Variants in RPS6KA2 observed in about 807,000 individuals in gnomAD.
RPS6KA2 encodes ribosomal protein S6 kinase alpha-2.
RPS6KA2 carries 42 observed loss-of-function variants against 91.8 expected under a neutral mutation model. That is an observed-to-expected ratio of 0.46 (90% CI 0.36 to 0.59). The LOEUF is 0.59. Among genes scored for constraint, RPS6KA2 ranks in the 20% least tolerant of loss-of-function variants. RPS6KA2 has a pLI of 0.00. For synonymous variants in RPS6KA2, 414 were observed against 393.6 expected (o/e 1.05, Z -0.61); for missense variants, 798 against 978.5 (o/e 0.82, Z 2.46).
chr6:166,420,996 G>T (rs1361855429), intron 17 of RPS6KA2, among the ~76,000 whole-genome samples: 1 of 152,168 alleles, frequency 6.6e-6, no homozygotes, highest in Admixed American at 6.5e-5. Context: ...TGAGAGCAAG[G>T]AGCCTGTCCT....
chr6:166,840,455 T>C (rs1780440290), intron 2 of RPS6KA2, among the ~76,000 whole-genome samples: 1 of 152,190 alleles, frequency 6.6e-6, no homozygotes, highest in African/African-American at 2.4e-5. Flanking sequence ...ATTCCAGGAC[T>C]GGGCAAATGG....
At chr6:166,616,440 G>A (rs1285876735) in intron 1 of RPS6KA2, among the ~76,000 whole-genome samples, 1 of 152,206 alleles carries the variant, frequency 6.6e-6, no homozygotes, top group Non-Finnish European at 1.5e-5. Context: ...TCTCATGCCT[G>A]CCTGAGGCCA....
chr6:166,710,840 T>C (rs1375983424), intron 2 of RPS6KA2, among the ~76,000 whole-genome samples: 1 of 151,960 alleles, frequency 6.6e-6, no homozygotes, highest in African/African-American at 2.4e-5. Flanking sequence ...TGAAGCCAAA[T>C]AAATCAGCAA....
intron 2 of RPS6KA2, among the ~76,000 whole-genome samples, chr6:166,748,592 TTCCTC>T (rs1791116262): frequency 9.3e-5 from 2 of 21,602 alleles, no homozygotes; most frequent in Non-Finnish European, 1.8e-4. Flanking sequence ...GGGCCCCCAT[TTCCTC>T]AGGCCCCCAT....
In RPS6KA2 at chr6:166,504,494, T is replaced by C. The variant is rs1177968815; in HGVS notation, c.566+12A>G. 4.5e-6 allele frequency: 7 copies of C among 1,571,156 alleles called. No homozygotes were observed. The Middle Eastern group carries it at 6.7e-4, about 151-fold the overall frequency. ...GGCGTGGGGAAGTCAGCCCTAGTTT[T>C]TTCTCACTTACTTCTCAGGCTTCAG... On this transcript the variant is annotated intron_variant, in intron 6 of 20. Coordinates refer to ENST00000265678, the MANE Select transcript of RPS6KA2 (RefSeq NM_021135.6).
At chr6:166,446,190 G>A (rs1004994775) in intron 14 of RPS6KA2, among the ~76,000 whole-genome samples, 1 of 152,186 alleles carries the variant, frequency 6.6e-6, no homozygotes, top group Non-Finnish European at 1.5e-5. Context: ...CCAAACAACC[G>A]TGTCTACCTG....
intron 3 of RPS6KA2, among the ~76,000 whole-genome samples, chr6:166,513,173 C>T (rs946148691): frequency 1.3e-5 from 2 of 152,212 alleles, no homozygotes; most frequent in African/African-American, 2.4e-5. Context: ...CCCCATGTAG[C>T]CCACAAGCTG....
chr6:166,711,275 G>T lies in RPS6KA2; in HGVS notation c.123+146925C>A, dbSNP rs9366048. 2.5e-5 allele frequency among the ~76,000 whole-genome samples: 2 copies of T among 79,762 alleles called. 1 individual carries two copies. Among genetic ancestry groups the T allele is most frequent in the Admixed American group, 2.8e-4 (2 of 7,202 alleles). The allele number at this position is 79,762 out of a possible 152,430, so 52.3% of individuals were successfully genotyped here. ...CCCCCACTTCCTAGGTTGGAGTCAC[G>T]TGAGACCCAGTCTGTTAAAACAGAA... On this transcript the variant is annotated intron_variant, in intron 2 of 21. Transcript: ENST00000503859.
intron 3 of RPS6KA2, among the ~76,000 whole-genome samples, chr6:166,525,318 A>G (rs192326163): frequency 8.6e-4 from 131 of 152,320 alleles, no homozygotes; most frequent in African/African-American, 3.1e-3. Flanking sequence ...TTGTCAAGTT[A>G]AAGGAGTCGA....
intron 2 of RPS6KA2, among the ~76,000 whole-genome samples, chr6:166,641,615 C>T (rs750514803): frequency 5.3e-5 from 8 of 149,972 alleles, no homozygotes; most frequent in African/African-American, 9.8e-5. Context: ...CCCAGCTACA[C>T]GGACTGAGGC....
At chr6:166,431,077 G>A (rs150713008) in intron 15 of RPS6KA2, among the ~76,000 whole-genome samples, 2,279 of 152,168 alleles carry the variant, frequency 0.015, 55 homozygotes, top group African/African-American at 0.052. Flanking sequence ...ATAGGTGCAC[G>A]TCACCATGCC....
At chr6:166,850,758 G>T (rs1780718768) in intron 2 of RPS6KA2, among the ~76,000 whole-genome samples, 1 of 152,146 alleles carries the variant, frequency 6.6e-6, no homozygotes, top group Non-Finnish European at 1.5e-5. Flanking sequence ...ACCTATGGGA[G>T]GTGGGCTCCC....
rs193257435 is a variant in RPS6KA2 at position 166,858,779 on chromosome 6, C to A, written c.64-520G>T. Reference sequence around the variant, plus strand: ...GTAAAGCAAGTGTTTCTGTGGTTGGCACAAGGTTTAAGTGGAACCATCTGG... The same window carrying A: ...GTAAAGCAAGTGTTTCTGTGGTTGGAACAAGGTTTAAGTGGAACCATCTGG... On this transcript the variant is annotated intron_variant, in intron 1 of 21. Coordinates refer to the RPS6KA2 transcript ENST00000503859. 9.5e-4 allele frequency among the ~76,000 whole-genome samples: 145 copies of A among 152,326 alleles called. 2 individuals are homozygous for A. The highest frequency in any genetic ancestry group is 2.2e-4 in the Non-Finnish European group (15 of 68,026).
At position 166,776,135 on chromosome 6, in the gene RPS6KA2, C is replaced by T. The variant is rs61152097; in HGVS notation, c.123+82065G>A. On this transcript the variant is annotated intron_variant, in intron 2 of 21. Transcript: ENST00000503859. ...TGGGGGCCAGGTCCATGCAAAAATA[C>T]GTGGAGAAAGTACAGCTTAGAGGAC... is the stretch of plus-strand genomic sequence containing the variant. Among the ~76,000 whole-genome samples, 3,272 of 152,262 alleles carry T rather than the reference C, an allele frequency of 0.021. 207 individuals are homozygous for T. In the East Asian group the frequency reaches 0.25, roughly 12 times the overall value.
At chr6:166,591,616 G>A (rs1161934665) in intron 1 of RPS6KA2, among the ~76,000 whole-genome samples, 1 of 152,124 alleles carries the variant, frequency 6.6e-6, no homozygotes, top group African/African-American at 2.4e-5. Flanking sequence ...AGGAGTGCCT[G>A]GGGCCACCAG....
intron 2 of RPS6KA2, among the ~76,000 whole-genome samples, chr6:166,700,878 G>A (rs191295326): frequency 4.8e-4 from 73 of 152,206 alleles, no homozygotes; most frequent in African/African-American, 1.7e-3. Flanking sequence ...CTTTTTTTGT[G>A]TGTTTGTTTT....
At chr6:166,644,194 T>A (rs1787533579) in intron 2 of RPS6KA2, among the ~76,000 whole-genome samples, 1 of 152,178 alleles carries the variant, frequency 6.6e-6, no homozygotes, top group Non-Finnish European at 1.5e-5. Flanking sequence ...ACTGAGGCAA[T>A]AAGTCAGTAA....
intron 2 of RPS6KA2, among the ~76,000 whole-genome samples, chr6:166,714,974 G>C (rs114939280): frequency 6.7e-4 from 102 of 152,296 alleles, no homozygotes; most frequent in African/African-American, 2.3e-3. Context: ...CTCCCTTCCC[G>C]TCCGGCCTGT....
At chr6:166,725,814 G>T (rs188839918) in intron 2 of RPS6KA2, among the ~76,000 whole-genome samples, 1 of 152,220 alleles carries the variant, frequency 6.6e-6, no homozygotes, top group Non-Finnish European at 1.5e-5. Context: ...CAGGTATGCC[G>T]GGCAGGGAGG....
Sources: gnomAD v4.1 joint callset for allele counts (sites outside exome capture counted in the v4.1 genomes callset) on GRCh38, gnomAD v4.1.1 for gene constraint, MANE v1.5 for transcripts, NCBI Gene and HGNC (gene_info 2026-07-23, HGNC 2026-07-21) for gene names.